TPTE2: variants seen among roughly 807,000 people sequenced by gnomAD.
The protein encoded by TPTE2 is phosphatidylinositol 3,4,5-trisphosphate 3-phosphatase TPTE2.
A neutral mutation model predicts 78.6 loss-of-function variants in TPTE2; 53 were observed. The observed-to-expected ratio is 0.67, with a 90% CI of 0.54 to 0.85. TPTE2 has a LOEUF of 0.85. Ranked by LOEUF, TPTE2 falls within the 40% of genes least tolerant of loss-of-function variation. TPTE2 has a pLI of 0.00. For synonymous variants in TPTE2, 175 were observed against 206.2 expected (o/e 0.85, Z 1.30); for missense variants, 461 against 623.0 (o/e 0.74, Z 2.77).
chr13:19,555,309 G>A, the TPTE2 span, among the ~76,000 whole-genome samples: 58 of 152,196 alleles, frequency 3.8e-4, no homozygotes, highest in African/African-American at 1.3e-3. Flanking sequence ...TGTATCCTCT[G>A]TAGCAGTGGT....
At chr13:19,545,298 A>C in the TPTE2 span, among the ~76,000 whole-genome samples, 1 of 152,166 alleles carries the variant, frequency 6.6e-6, no homozygotes, top group Non-Finnish European at 1.5e-5. Flanking sequence ...GGAACAAAAA[A>C]CAGGAGGATT....
chr13:19,455,584 C>CTAAGA (rs58515437), intron 10 of TPTE2, among the ~76,000 whole-genome samples: 1 of 152,034 alleles, frequency 6.6e-6, no homozygotes, highest in African/African-American at 2.4e-5. Flanking sequence ...GACACCTAAG[C>CTAAGA]TAATTGTAGA....
intron 4 of TPTE2, among the ~76,000 whole-genome samples, chr13:19,476,190 A>C (rs957318939): frequency 6.6e-6 from 1 of 152,078 alleles, no homozygotes; most frequent in African/African-American, 2.4e-5. Flanking sequence ...ACTTCAAAGG[A>C]CAAACACCCG....
chr13:19,459,336 A>C (rs1324364766), intron 10 of TPTE2, among the ~76,000 whole-genome samples: 1 of 152,154 alleles, frequency 6.6e-6, no homozygotes, highest in Non-Finnish European at 1.5e-5. Context: ...CCTGAGAAAC[A>C]GCAAAGATGG....
At chr13:19,497,477 A>C (rs1205598709) in intron 1 of TPTE2, among the ~76,000 whole-genome samples, 1 of 105,682 alleles carries the variant, frequency 9.5e-6, no homozygotes, top group Non-Finnish European at 2.2e-5. Flanking sequence ...TGCCTCCTCA[A>C]GTGGGTCCCT....
At chr13:19,443,565 G>A (rs148992955) in intron 13 of TPTE2, among the ~76,000 whole-genome samples, 1,768 of 151,964 alleles carry the variant, frequency 0.012, 32 homozygotes, top group African/African-American at 0.039. Context: ...ACCACACCTG[G>A]CAAATTTTTG....
chr13:19,546,912 T>G, the TPTE2 span, among the ~76,000 whole-genome samples: 1 of 150,978 alleles, frequency 6.6e-6, no homozygotes, highest in Admixed American at 6.6e-5. Context: ...GAAAAAAAAA[T>G]GGGAGGCTGA....
chr13:19,435,755 GACACACAC>G (rs60130804), intron 15 of TPTE2, among the ~76,000 whole-genome samples: 139 of 137,734 alleles, frequency 1.0e-3, no homozygotes, highest in Admixed American at 2.5e-3. Flanking sequence ...ACACAGAAAA[GACACACAC>G]ACACACACAC....
intron 7 of TPTE2, among the ~76,000 whole-genome samples, chr13:19,466,674 T>A (rs1287278748): frequency 6.6e-6 from 1 of 152,220 alleles, no homozygotes; most frequent in African/African-American, 2.4e-5. Context: ...ATCTCCTAGT[T>A]TCTGTTCTGT....
intron 10 of TPTE2, among the ~76,000 whole-genome samples, chr13:19,461,604 G>T (rs921739506): frequency 6.6e-6 from 1 of 152,076 alleles, no homozygotes; most frequent in Non-Finnish European, 1.5e-5. Flanking sequence ...GGGTGTTAAA[G>T]GCCCCAACTG....
At chr13:19,441,167 C>G (rs1304212621) in intron 13 of TPTE2, among the ~76,000 whole-genome samples, 1 of 151,490 alleles carries the variant, frequency 6.6e-6, no homozygotes, top group African/African-American at 2.4e-5. Flanking sequence ...AATACAGGAA[C>G]AAAAAACCAA....
chr13:19,433,841 G>A (rs1011200550), intron 15 of TPTE2, among the ~76,000 whole-genome samples: 5 of 152,240 alleles, frequency 3.3e-5, no homozygotes, highest in Admixed American at 6.5e-5. Flanking sequence ...CCTTTGGTGT[G>A]CTGGTTCTGG....
chr13:19,501,561 C>T (rs1593403430), intron 1 of TPTE2, among the ~76,000 whole-genome samples: 1 of 150,984 alleles, frequency 6.6e-6, no homozygotes, highest in East Asian at 1.9e-4. Context: ...AAAGGATTCC[C>T]TATTTAATAA....
At chr13:19,437,038 G>GACACACACAC (rs376691875) in intron 14 of TPTE2, among the ~76,000 whole-genome samples, 73,783 of 145,654 alleles carry the variant, frequency 0.51, 20,732 homozygotes, top group East Asian at 0.67. Context: ...AAACCTAGGA[G>GACACACACAC]ACACACACAC....
At chr13:19,550,916 C>G in the TPTE2 span, among the ~76,000 whole-genome samples, 27 of 152,242 alleles carry the variant, frequency 1.8e-4, no homozygotes, top group Admixed American at 4.6e-4. Context: ...CTCAGCCTCC[C>G]AAGTAACTAC....
chr13:19,465,267 T>C, exon 9 of TPTE2: 2 of 1,613,916 alleles, frequency 1.2e-6, no homozygotes, highest in Admixed American at 1.7e-5. Flanking sequence ...GTAACGTAAG[T>C]GAGGTCTAGG....
chr13:19,497,537 C>A (rs1428334866), intron 1 of TPTE2, among the ~76,000 whole-genome samples: 1 of 76,532 alleles, frequency 1.3e-5, no homozygotes. Context: ...CCAGCAGGGG[C>A]ACACTGACAC....
At position 19,446,276 on chromosome 13, in the gene TPTE2, C is replaced by T. The variant is rs968594905; in HGVS notation, c.973+3800G>A. Among the ~76,000 whole-genome samples, 5 of 152,258 alleles carry T rather than the reference C, an allele frequency of 3.3e-5. No individual in the cohort carries two copies. The East Asian group carries it at 7.7e-4, about 24-fold the overall frequency. ...TAATAAAGTTCCAAGAAGAGCAAGA[C>T]AATTCTGCCTTTATCAAACCATATT... is the stretch of plus-strand genomic sequence containing the variant. On this transcript the variant is annotated intron_variant, in intron 13 of 19. Transcript: ENST00000400230.
chr13:19,531,759 T>G (rs1870888758), intron 1 of TPTE2, among the ~76,000 whole-genome samples: 1 of 151,992 alleles, frequency 6.6e-6, no homozygotes, highest in Non-Finnish European at 1.5e-5. Context: ...AAACCCCATC[T>G]CTACTAAAAA....
Sources: allele counts gnomAD v4.1 joint callset (sites outside exome capture counted in the v4.1 genomes callset), GRCh38; gene constraint gnomAD v4.1.1; transcripts MANE v1.5; gene names NCBI Gene and HGNC (gene_info 2026-07-23, HGNC 2026-07-21).